RAD54L2: variants seen among roughly 807,000 people sequenced by gnomAD.
RAD54L2 encodes the protein helicase ARIP4.
RAD54L2 carries 27 observed loss-of-function variants against 138.4 expected under a neutral mutation model. The observed-to-expected ratio is 0.20, with a 90% confidence interval of 0.14 to 0.27. The LOEUF (loss-of-function observed/expected upper bound fraction) is 0.27. Ranked by LOEUF, RAD54L2 falls within the 10% of genes least tolerant of loss-of-function variation. The pLI, the probability that RAD54L2 is intolerant of heterozygous loss-of-function variation, is 1.00. For missense variants in RAD54L2, 1,396 were observed against 1,890.2 expected (o/e 0.74, Z 4.85); for synonymous variants, 644 against 723.2 (o/e 0.89, Z 1.76).
intron 9 of RAD54L2, among the ~76,000 whole-genome samples, chr3:51,634,487 A>G (rs761917197): frequency 5.3e-4 from 78 of 148,120 alleles, no homozygotes; most frequent in Non-Finnish European, 9.6e-4. Flanking sequence ...CTCCTGCCTC[A>G]GCCTCCCGAG....
At chr3:51,631,787 C>G (rs974453802) in intron 7 of RAD54L2, among the ~76,000 whole-genome samples, 3 of 152,082 alleles carry the variant, frequency 2.0e-5, no homozygotes, top group Non-Finnish European at 4.4e-5. Context: ...CCTCATGCCA[C>G]CATGCCCAAC....
At chr3:51,626,966 C>T (rs1700707697) in intron 3 of RAD54L2, among the ~76,000 whole-genome samples, 1 of 152,146 alleles carries the variant, frequency 6.6e-6, no homozygotes, top group South Asian at 2.1e-4. Flanking sequence ...TGTACATGCC[C>T]TGTCTCCCTA....
chr3:51,666,215 A>C lies in RAD54L2; in HGVS notation c.*2795A>C, dbSNP rs1424902796. The C allele has an allele frequency of 1.5e-5, 2 of 131,862 alleles. No homozygotes were observed. Among genetic ancestry groups the C allele is most frequent in the Non-Finnish European group, 3.2e-5 (2 of 63,408 alleles). The allele number at this position is 131,862 out of a possible 1,614,324, so 8.2% of individuals were successfully genotyped here. A position where few individuals can be genotyped will look rare whatever the true frequency, so the allele number is the denominator to read the frequency against. On this transcript the variant is annotated 3_prime_UTR_variant, in exon 23 of 23. Coordinates refer to ENST00000684192, the MANE Select transcript of RAD54L2 (RefSeq NM_015106.4). ...TTTTTTTTTTTTTTTTTTTTAAAGAAAATAACCTGAAAACACTTCTGACTT... is the reference window on the plus strand; with the variant it reads ...TTTTTTTTTTTTTTTTTTTTAAAGACAATAACCTGAAAACACTTCTGACTT...
At chr3:51,624,205 T>C (rs1700627781) in intron 3 of RAD54L2, among the ~76,000 whole-genome samples, 1 of 151,468 alleles carries the variant, frequency 6.6e-6, no homozygotes, top group Admixed American at 6.6e-5. Context: ...CAGACATTGT[T>C]TTAGTTCTTT....
Position 51,538,767 on chromosome 3 carries a change from C to T in RAD54L2, c.-265C>T, listed in dbSNP as rs1479339347. On this transcript the variant is annotated 5_prime_UTR_variant, in exon 1 of 23. Coordinates refer to ENST00000684192, the MANE Select transcript of RAD54L2 (RefSeq NM_015106.4). The stretch of plus-strand genomic sequence containing the variant: ...GAGACCGACGCTTGGCCAGAGCCAG[C>T]CCGCGGCGCCCGGGCCTGGCCGGCT... Among the ~76,000 whole-genome samples the T allele has an allele frequency of 2.0e-5, 3 of 151,988 alleles. No homozygotes were observed. In the South Asian group the frequency reaches 6.2e-4, roughly 31 times the overall value.
chr3:51,637,613 C>A lies in RAD54L2; in HGVS notation c.1682+110C>A. 2.8e-6 allele frequency: 3 copies of A among 1,068,666 alleles called. No individual in the cohort carries two copies. The highest frequency in any genetic ancestry group is 4.0e-6 in the Non-Finnish European group (3 of 759,124). 66.2% of individuals were successfully genotyped at this position (1,068,666 alleles called of 1,614,324 possible). On this transcript the variant is annotated intron_variant, in intron 11 of 22. Transcript: ENST00000684192. The surrounding 1 kb of genome is among the most constrained non-coding windows in gnomAD (Gnocchi z 5.9). ...GTGTTGGAGTAGGAGGGCCCCTTCC[C>A]TGGGGCAGTAGTAAAACTTTGCTTC...
In RAD54L2 at chr3:51,638,125, G is replaced by T. The variant is rs890668651; in HGVS notation, c.1683-19G>T. The T allele has an allele frequency of 2.5e-6, 4 of 1,612,648 alleles. No homozygotes were observed. The highest frequency in any genetic ancestry group is 3.4e-6 in the Non-Finnish European group (4 of 1,178,914). ...CTGGCCACACTACCTTGCCGTTTCT[G>T]TTCTGTTTGCCTCCATAGGAGAGGC... On this transcript the variant is annotated intron_variant, in intron 11 of 22. Coordinates refer to ENST00000684192, the MANE Select transcript of RAD54L2 (RefSeq NM_015106.4). This position sits in a 1 kb window ranked among gnomAD's most constrained non-coding sequence, Gnocchi z 4.3.
intron 2 of RAD54L2, among the ~76,000 whole-genome samples, chr3:51,558,899 G>A (rs1256687040): frequency 6.6e-6 from 1 of 151,506 alleles, no homozygotes; most frequent in African/African-American, 2.4e-5. Flanking sequence ...TTTTTGAGAC[G>A]GAGTCTCACT....
Position 51,639,949 on chromosome 3 carries a change from C to A in RAD54L2, c.2181C>A (p.Phe727Leu). The A allele has an allele frequency of 6.2e-7, 1 of 1,612,414 alleles. No homozygotes were observed. Among genetic ancestry groups the A allele is most frequent in the South Asian group, 1.1e-5 (1 of 90,786 alleles). Residue 727 changes from phenylalanine to leucine, a missense_variant, in exon 14 of 23, where the codon TTC (phenylalanine) becomes TTA (leucine). Phe to Leu is a conservative substitution (Grantham distance 22). Transcript: ENST00000684192. ...ACTCTCCCAAGATGGTACTGCTTTT[C>A]CACCTGATTGAGGAAAGTGTGAAGC... The part of the protein sequence containing the change: ...LENSPKMVLL[F>L]HLIEESVKLG...
chr3:51,581,254 C>T (rs1032139589), intron 2 of RAD54L2, among the ~76,000 whole-genome samples: 1 of 152,138 alleles, frequency 6.6e-6, no homozygotes, highest in Non-Finnish European at 1.5e-5. Flanking sequence ...CGCACCACCA[C>T]AACCGGCTAA....
At chr3:51,656,646 A>T (rs570480620) in intron 20 of RAD54L2, among the ~76,000 whole-genome samples, 121 of 151,992 alleles carry the variant, frequency 8.0e-4, no homozygotes, top group Non-Finnish European at 1.5e-3. Context: ...CAACCCATCC[A>T]CTCCAGGAGC....
chr3:51,639,760 C>G, intron 13 of RAD54L2, 90 bp downstream of exon 13: 1 of 1,540,918 alleles, frequency 6.5e-7, no homozygotes, highest in Non-Finnish European at 8.8e-7. Flanking sequence ...GGATGCATGG[C>G]TAGGGTCTCT....
chr3:51,557,180 CTTTTTTTTTTT>C (rs58428110), intron 2 of RAD54L2, among the ~76,000 whole-genome samples: 2 of 113,344 alleles, frequency 1.8e-5, no homozygotes, highest in African/African-American at 3.4e-5. Flanking sequence ...TTGTTGTTGG[CTTTTTTTTTTT>C]TTTTTTTTTT....
At chr3:51,587,489 G>A (rs573865902) in intron 2 of RAD54L2, among the ~76,000 whole-genome samples, 23 of 152,160 alleles carry the variant, frequency 1.5e-4, no homozygotes, top group South Asian at 1.5e-3. Flanking sequence ...TGTATTTGTC[G>A]ATCACATTTA....
intron 2 of RAD54L2, among the ~76,000 whole-genome samples, chr3:51,572,314 G>A (rs1428035001): frequency 1.3e-5 from 2 of 152,024 alleles, no homozygotes; most frequent in Admixed American, 6.6e-5. Flanking sequence ...TTAGCCAGGC[G>A]TTGTGGTGGG....
chr3:51,615,222 C>T (rs1338244765), intron 3 of RAD54L2, among the ~76,000 whole-genome samples: 2 of 152,082 alleles, frequency 1.3e-5, no homozygotes, highest in Non-Finnish European at 2.9e-5. Context: ...ACCATGTTGG[C>T]CAGGCTGATC....
At position 51,646,280 on chromosome 3, in the gene RAD54L2, C is replaced by T. The variant is rs200018909; in HGVS notation, c.2830-5C>T. 2.2e-5 allele frequency: 34 copies of T among 1,574,632 alleles called. No individual in the cohort carries two copies. Among genetic ancestry groups the T allele is most frequent in the African/African-American group, 2.7e-5 (2 of 74,004 alleles). On this transcript the variant is annotated splice_polypyrimidine_tract_variant and splice_region_variant and intron_variant, in intron 18 of 22. Transcript: ENST00000684192. ...AACTAAATCAACATCCTCCTGTGTC[C>T]CCAGGAGCCTTTCGAGCATGAGTCA...
intron 3 of RAD54L2, among the ~76,000 whole-genome samples, chr3:51,614,997 A>G (rs910064103): frequency 2.0e-5 from 3 of 151,354 alleles, no homozygotes; most frequent in Non-Finnish European, 4.4e-5. Context: ...TTTTTAATTA[A>G]TTAATATTTT....
rs1368954802 is a variant in RAD54L2 at position 51,588,696 on chromosome 3, A to G, written c.-54-1671A>G. On this transcript the variant is annotated intron_variant, in intron 2 of 22. Coordinates refer to ENST00000684192, the MANE Select transcript of RAD54L2 (RefSeq NM_015106.4). ...CCATGGTTTTTATTTTTTTACCCTC[A>G]CGAAGGAATGGCCTTTACAGCTAAT... 2.0e-5 allele frequency among the ~76,000 whole-genome samples: 3 copies of G among 152,234 alleles called. No homozygotes were observed. In the East Asian group the frequency reaches 5.8e-4, roughly 29 times the overall value.
Sources: gnomAD v4.1 joint callset for allele counts (sites outside exome capture counted in the v4.1 genomes callset) on GRCh38, gnomAD v4.1.1 for gene constraint, Gnocchi (gnomAD v3.1) non-coding constraint, MANE v1.5 for transcripts, NCBI Gene and HGNC (gene_info 2026-07-23, HGNC 2026-07-21) for gene names.